Variants in RBMS3 observed in about 807,000 individuals in gnomAD.
The protein encoded by RBMS3 is RNA binding motif single stranded interacting protein 3.
A neutral mutation model predicts 66.8 loss-of-function variants in RBMS3; 27 were observed. That is an observed-to-expected ratio of 0.40 (90% CI 0.30 to 0.56). The LOEUF (loss-of-function observed/expected upper bound fraction) is 0.56. RBMS3 is among the 20% of genes least tolerant of loss of function. RBMS3 has a pLI of 0.40. For synonymous variants in RBMS3, 188 were observed against 183.0 expected, an observed-to-expected ratio of 1.03 and a Z score of -0.22; for missense variants, 513 against 549.5, an observed-to-expected ratio of 0.93 and a Z score of 0.66.
intron 1 of RBMS3, among the ~76,000 whole-genome samples, chr3:29,386,677 A>G (rs1451572706): frequency 6.6e-6 from 1 of 152,154 alleles, no homozygotes; most frequent in Non-Finnish European, 1.5e-5. Flanking sequence ...TCCCATCTTA[A>G]GAGAAAAAAA....
intron 7 of RBMS3, among the ~76,000 whole-genome samples, chr3:29,874,733 A>C (rs989939263): frequency 1.3e-5 from 2 of 152,062 alleles, no homozygotes; most frequent in African/African-American, 4.8e-5. Context: ...CTAGTCTTAA[A>C]ATAAACCTTT....
At chr3:29,575,808 T>C (rs187318900) in intron 3 of RBMS3, among the ~76,000 whole-genome samples, 1 of 152,244 alleles carries the variant, frequency 6.6e-6, no homozygotes, top group African/African-American at 2.4e-5. Flanking sequence ...CTTCAGTATG[T>C]CATTTGCATT....
At chr3:29,612,847 G>A (rs555586291) in intron 4 of RBMS3, among the ~76,000 whole-genome samples, 5 of 152,126 alleles carry the variant, frequency 3.3e-5, no homozygotes, top group South Asian at 2.1e-4. Context: ...CATTAAAGTC[G>A]GAAAGAAATA....
intron 4 of RBMS3, among the ~76,000 whole-genome samples, chr3:29,641,429 C>G (rs140875004): frequency 6.6e-6 from 1 of 151,886 alleles, no homozygotes; most frequent in East Asian, 1.9e-4. Flanking sequence ...GGTTTAGAAT[C>G]GATTTCTAAA....
intron 4 of RBMS3, among the ~76,000 whole-genome samples, chr3:29,714,761 C>CACACAA (rs2053319817): frequency 6.6e-6 from 1 of 151,956 alleles, no homozygotes; most frequent in East Asian, 1.9e-4. Flanking sequence ...CACACACACA[C>CACACAA]ACACACACAC....
At chr3:29,932,644 T>C (rs1022020596) in intron 10 of RBMS3, among the ~76,000 whole-genome samples, 8 of 152,212 alleles carry the variant, frequency 5.3e-5, no homozygotes, top group African/African-American at 1.9e-4. Context: ...CTATGTGTGC[T>C]CTAGATGGTA....
At chr3:29,397,228 T>C (rs149905024) in intron 1 of RBMS3, among the ~76,000 whole-genome samples, 97 of 152,310 alleles carry the variant, frequency 6.4e-4, no homozygotes, top group South Asian at 2.3e-3. Flanking sequence ...GTGTGTTATA[T>C]GTAAAGTACC....
At chr3:29,677,542 T>C (rs1285781900) in intron 4 of RBMS3, among the ~76,000 whole-genome samples, 2 of 152,178 alleles carry the variant, frequency 1.3e-5, no homozygotes, top group African/African-American at 4.8e-5. Context: ...TGAAAGCCTG[T>C]GCACTTTATA....
intron 3 of RBMS3, among the ~76,000 whole-genome samples, chr3:29,509,082 A>T (rs1250373204): frequency 6.7e-6 from 1 of 150,356 alleles, no homozygotes; most frequent in Non-Finnish European, 1.5e-5. Context: ...AGTTCTTTGT[A>T]GATTCTAGAT....
chr3:29,865,009 A>T (rs568632487), intron 6 of RBMS3, among the ~76,000 whole-genome samples: 1 of 109,322 alleles, frequency 9.1e-6, no homozygotes, highest in Non-Finnish European at 1.9e-5. Context: ...AAGGGAAAGG[A>T]AGGGGAAGGG....
intron 4 of RBMS3, among the ~76,000 whole-genome samples, chr3:29,622,101 GA>G (rs922712213): frequency 3.3e-5 from 5 of 151,662 alleles, no homozygotes; most frequent in Non-Finnish European, 5.9e-5. Context: ...AAATTTCATG[GA>G]AAAAAAATCA....
intron 4 of RBMS3, among the ~76,000 whole-genome samples, chr3:29,721,247 CCTTG>C (rs1436161108): frequency 1.7e-4 from 26 of 152,040 alleles, no homozygotes; most frequent in Non-Finnish European, 1.5e-5. Context: ...CTCGTTACAT[CCTTG>C]CACACATGTA....
At chr3:29,812,969 T>C (rs964343754) in intron 6 of RBMS3, among the ~76,000 whole-genome samples, 4 of 152,178 alleles carry the variant, frequency 2.6e-5, no homozygotes, top group African/African-American at 4.8e-5. Context: ...TAAAATATTA[T>C]ATATTATATA....
At chr3:29,411,484 C>T (rs2040264039) in intron 1 of RBMS3, among the ~76,000 whole-genome samples, 1 of 152,114 alleles carries the variant, frequency 6.6e-6, no homozygotes, top group Admixed American at 6.6e-5. Flanking sequence ...AGATTAGCGC[C>T]TGTTTTCCAT....
In RBMS3 at chr3:29,549,422, C is replaced by T. The variant is rs539813125; in HGVS notation, c.308-37692C>T. Reference sequence around the variant, plus strand: ...ATTTTTTTTTTTTTTTTTTCTGAGACGGAATCTCACTCTGTGGCCCAGGCT... The same window carrying T: ...ATTTTTTTTTTTTTTTTTTCTGAGATGGAATCTCACTCTGTGGCCCAGGCT... On this transcript the variant is annotated intron_variant, in intron 3 of 14. Coordinates refer to ENST00000383767, the MANE Select transcript of RBMS3 (RefSeq NM_001003793.3). Among the ~76,000 whole-genome samples, 101 of 141,162 alleles carry T rather than the reference C, an allele frequency of 7.2e-4. 2 individuals are homozygous for T. The South Asian group carries it at 0.016, about 23-fold the overall frequency. 92.6% of individuals were successfully genotyped at this position (141,162 alleles called of 152,430 possible). A position where few individuals can be genotyped will look rare whatever the true frequency, so the allele number is the denominator to read the frequency against.
chr3:29,308,758 A>C (rs7641591), intron 1 of RBMS3, among the ~76,000 whole-genome samples: 24,868 of 88,888 alleles, frequency 0.28, 2,209 homozygotes, highest in East Asian at 0.41. Context: ...AAAAAAAACA[A>C]AAAAAAAAAC....
chr3:29,439,212 G>A (rs377302278), intron 2 of RBMS3, among the ~76,000 whole-genome samples: 1 of 152,268 alleles, frequency 6.6e-6, no homozygotes, highest in African/African-American at 2.4e-5. Flanking sequence ...TGGAGATGAT[G>A]TTAGAAGCTT....
intron 1 of RBMS3, among the ~76,000 whole-genome samples, chr3:29,285,229 G>A (rs868670126): frequency 7.2e-4 from 101 of 140,258 alleles, no homozygotes; most frequent in African/African-American, 2.6e-3. Flanking sequence ...GGTACTTGCC[G>A]GGGTGGGGTG....
At chr3:29,369,669 T>C (rs1174574073) in intron 1 of RBMS3, among the ~76,000 whole-genome samples, 1 of 149,418 alleles carries the variant, frequency 6.7e-6, no homozygotes, top group African/African-American at 2.5e-5. Flanking sequence ...GAAAGACAGG[T>C]GGGAAAATGA....
Sources: gnomAD v4.1 joint callset for allele counts (sites outside exome capture counted in the v4.1 genomes callset) on GRCh38, gnomAD v4.1.1 for gene constraint, MANE v1.5 for transcripts, NCBI Gene and HGNC (gene_info 2026-07-23, HGNC 2026-07-21) for gene names.